Variants in PIK3CB observed in about 807,000 individuals in gnomAD.
The protein encoded by PIK3CB is phosphatidylinositol 4,5-bisphosphate 3-kinase catalytic subunit beta isoform.
In PIK3CB, 39 loss-of-function variants were observed where a neutral mutation model predicts 136.8. The observed-to-expected ratio is 0.29, with a 90% CI of 0.22 to 0.37. The LOEUF (loss-of-function observed/expected upper bound fraction) is 0.37. Ranked by LOEUF, PIK3CB falls within the 10% of genes least tolerant of loss-of-function variation. PIK3CB has a pLI of 1.00. For missense variants in PIK3CB, 868 were observed against 1,275.4 expected (o/e 0.68, Z 4.87); for synonymous variants, 428 against 436.6 (o/e 0.98, Z 0.25).
At chr3:138,732,496 T>C (rs2045004106) in intron 8 of PIK3CB, among the ~76,000 whole-genome samples, 2 of 152,114 alleles carry the variant, frequency 1.3e-5, no homozygotes, top group Admixed American at 6.6e-5. Flanking sequence ...AATCTCTTTC[T>C]TGGATCACAA....
chr3:138,705,201 A>AAAAAAAAAAAAAAAAAAAAAC (rs2044354275), intron 11 of PIK3CB, among the ~76,000 whole-genome samples: 1 of 142,200 alleles, frequency 7.0e-6, no homozygotes, highest in East Asian at 2.2e-4. Flanking sequence ...AAAAAAAAAA[A>AAAAAAAAAAAAAAAAAAAAAC]CTTATATTTG....
chr3:138,762,606 T>A (rs2045677523), intron 2 of PIK3CB, among the ~76,000 whole-genome samples: 1 of 152,164 alleles, frequency 6.6e-6, no homozygotes, highest in Non-Finnish European at 1.5e-5. Context: ...ATCTTGCAAG[T>A]AATAAGCATT....
chr3:138,811,037 G>C (rs986867309), intron 1 of PIK3CB, among the ~76,000 whole-genome samples: 6 of 151,514 alleles, frequency 4.0e-5, no homozygotes, highest in African/African-American at 1.5e-4. Context: ...CACCAGCCTG[G>C]TCAACGTAGC....
chr3:138,798,408 C>T (rs1199053479), intron 1 of PIK3CB, among the ~76,000 whole-genome samples: 1 of 152,142 alleles, frequency 6.6e-6, no homozygotes, highest in East Asian at 1.9e-4. Flanking sequence ...CGTGATCCAC[C>T]CACGTCAGCC....
At chr3:138,733,583 C>A in intron 7 of PIK3CB, 145 bp from the exon 8 acceptor site, 1 of 507,954 alleles carries the variant, frequency 2.0e-6, no homozygotes, top group East Asian at 3.3e-5. Flanking sequence ...GTCACATATA[C>A]TAAATTAAGC....
chr3:138,688,860 A>G lies in PIK3CB; in HGVS notation c.2136+15T>C. The G allele has an allele frequency of 1.3e-6, 2 of 1,553,972 alleles. No homozygotes were observed. Among genetic ancestry groups the G allele is most frequent in the Non-Finnish European group, 1.8e-6 (2 of 1,127,306 alleles). On this transcript the variant is annotated intron_variant, in intron 16 of 23. Transcript: ENST00000674063. ...TCAAAAAAAGAAAAAATGAATAAAT[A>G]AAACAAGCTGATACCTGCTTAGAAA...
At chr3:138,813,223 C>A (rs578057784) in intron 1 of PIK3CB, among the ~76,000 whole-genome samples, 1 of 152,176 alleles carries the variant, frequency 6.6e-6, no homozygotes, top group African/African-American at 2.4e-5. Flanking sequence ...GCTTTTCTGT[C>A]AAGAGAATCC....
intron 4 of PIK3CB, among the ~76,000 whole-genome samples, chr3:138,750,839 C>T (rs1374458413): frequency 6.6e-6 from 1 of 152,182 alleles, no homozygotes; most frequent in African/African-American, 2.4e-5. Context: ...CATAGCATAG[C>T]AGTTAATACA....
chr3:138,805,977 C>T (rs994296979), intron 1 of PIK3CB, among the ~76,000 whole-genome samples: 1 of 151,722 alleles, frequency 6.6e-6, no homozygotes, highest in Non-Finnish European at 1.5e-5. Context: ...ATCCTCCCAC[C>T]TTGGCCTCCC....
intron 23 of PIK3CB, among the ~76,000 whole-genome samples, chr3:138,655,871 C>G (rs1403422614): frequency 6.6e-6 from 1 of 152,190 alleles, no homozygotes; most frequent in African/African-American, 2.4e-5. Flanking sequence ...CGCTCCTGAT[C>G]TGCGGTCTTT....
At chr3:138,740,553 T>C (rs57015522) in intron 5 of PIK3CB, among the ~76,000 whole-genome samples, 8,771 of 152,224 alleles carry the variant, frequency 0.058, 866 homozygotes, top group African/African-American at 0.2. Flanking sequence ...CTTTCCTCCT[T>C]GACCTCACCT....
chr3:138,813,018 T>G (rs1003422498), intron 1 of PIK3CB, among the ~76,000 whole-genome samples: 4 of 152,186 alleles, frequency 2.6e-5, no homozygotes, highest in African/African-American at 9.7e-5. Flanking sequence ...CTTTCCATAG[T>G]TATGCAAGAT....
chr3:138,738,768 T>C (rs2045171931), intron 5 of PIK3CB, among the ~76,000 whole-genome samples: 1 of 152,178 alleles, frequency 6.6e-6, no homozygotes, highest in South Asian at 2.1e-4. Context: ...ACTAAAGATA[T>C]AAGAAGCTAT....
intron 2 of PIK3CB, among the ~76,000 whole-genome samples, chr3:138,785,057 G>A (rs1173171358): frequency 6.6e-6 from 1 of 152,180 alleles, no homozygotes; most frequent in Non-Finnish European, 1.5e-5. Context: ...CGTCTGGGAA[G>A]TGAAGAGCAT....
chr3:138,764,383 T>C (rs1454377590), intron 2 of PIK3CB, among the ~76,000 whole-genome samples: 1 of 151,736 alleles, frequency 6.6e-6, no homozygotes, highest in Non-Finnish European at 1.5e-5. Flanking sequence ...CCCAGGAGGC[T>C]GAGGCTGCAG....
At chr3:138,759,101 C>T in intron 3 of PIK3CB, 72 bp downstream of exon 3, 1 of 913,100 alleles carries the variant, frequency 1.1e-6, no homozygotes, top group Non-Finnish European at 1.6e-6. Flanking sequence ...TTAACATTTT[C>T]TATTATAGAA....
intron 8 of PIK3CB, among the ~76,000 whole-genome samples, chr3:138,715,280 G>C (rs187069983): frequency 1.1e-3 from 169 of 152,220 alleles, no homozygotes; most frequent in Non-Finnish European, 1.8e-3. Flanking sequence ...TAAAGGCCTG[G>C]GGCCAGAGTG....
chr3:138,826,454 G>T, intron 1 of PIK3CB: 10 of 533,344 alleles, frequency 1.9e-5, no homozygotes, highest in Admixed American at 3.2e-5. Context: ...ACAATGCACT[G>T]TAAACCCCTC....
chr3:138,741,018 A>C (rs1318340071), intron 5 of PIK3CB, among the ~76,000 whole-genome samples: 3 of 152,248 alleles, frequency 2.0e-5, no homozygotes, highest in East Asian at 1.9e-4. Flanking sequence ...AGAATTCCTT[A>C]AACAGTATTG....
Sources: allele counts gnomAD v4.1 joint callset (sites outside exome capture counted in the v4.1 genomes callset), GRCh38; gene constraint gnomAD v4.1.1; transcripts MANE v1.5; gene names NCBI Gene and HGNC (gene_info 2026-07-23, HGNC 2026-07-21).